Variants in KCNN2 observed in about 807,000 individuals in gnomAD.
KCNN2 encodes small conductance calcium-activated potassium channel protein 2.
KCNN2 carries 24 observed loss-of-function variants against 55.5 expected under a neutral mutation model. That is an observed-to-expected ratio of 0.43 (90% CI 0.31 to 0.61). The LOEUF is 0.61. KCNN2 is among the 20% of genes least tolerant of loss of function. KCNN2 has a pLI of 0.08. For synonymous variants in KCNN2, 431 were observed against 336.1 expected (o/e 1.28, Z -3.09); for missense variants, 754 against 853.6 (o/e 0.88, Z 1.45).
chr5:114,496,118 G>A lies in KCNN2; in HGVS notation c.2312G>A (p.Arg771Gln), dbSNP rs774628560. 48 of 1,613,866 alleles carry A rather than the reference G, an allele frequency of 3.0e-5. No individual in the cohort carries two copies. Among genetic ancestry groups the A allele is most frequent in the African/African-American group, 1.1e-4 (8 of 74,878 alleles). ...GTCACTTACAATGCTGAGCGGTCCC[G>A]GTCCTCGTCCAGGAGGCGGCGGTCC... ...KHVTYNAERS[R>Q]SSSRRRRSSS... Residue 771 changes from arginine (R) to glutamine (Q), a missense_variant, in exon 8 of 8, where the codon CGG becomes CAG. Arg to Gln is a conservative substitution (Grantham distance 43). Transcript: ENST00000673685.
At chr5:114,232,642 TA>T (rs1379026424) in intron 2 of KCNN2, among the ~76,000 whole-genome samples, 1 of 150,700 alleles carries the variant, frequency 6.6e-6, no homozygotes, top group Admixed American at 6.6e-5. Flanking sequence ...TCTCTTTTTT[TA>T]AACTTTTAAA....
chr5:114,433,082 C>T (rs186417093), intron 3 of KCNN2, among the ~76,000 whole-genome samples: 1 of 152,348 alleles, frequency 6.6e-6, no homozygotes, highest in East Asian at 1.9e-4. Context: ...CAGCACGGGA[C>T]TGGCAGGCAG....
At chr5:114,333,145 G>C (rs1561574671) in intron 2 of KCNN2, among the ~76,000 whole-genome samples, 4 of 152,176 alleles carry the variant, frequency 2.6e-5, no homozygotes. Flanking sequence ...TGAAAGAAGT[G>C]AAATAATTGT....
intron 1 of KCNN2, among the ~76,000 whole-genome samples, chr5:114,185,539 G>C (rs1008744844): frequency 6.6e-6 from 1 of 152,182 alleles, no homozygotes; most frequent in African/African-American, 2.4e-5. Context: ...CGCTCTAGCA[G>C]GGAACTCTGG....
intron 2 of KCNN2, among the ~76,000 whole-genome samples, chr5:114,379,809 CATATT>C (rs1179884667): frequency 1.4e-5 from 2 of 138,974 alleles, no homozygotes; most frequent in Admixed American, 7.3e-5. Context: ...TATTATATAA[CATATT>C]ATATATTTAT....
chr5:114,113,619 C>T (rs1270188446), intron 1 of KCNN2, among the ~76,000 whole-genome samples: 1 of 152,036 alleles, frequency 6.6e-6, no homozygotes, highest in East Asian at 1.9e-4. Flanking sequence ...AATTTATGTA[C>T]CATTTTTAAC....
chr5:114,192,336 G>A (rs1753467031), intron 1 of KCNN2, among the ~76,000 whole-genome samples: 1 of 152,142 alleles, frequency 6.6e-6, no homozygotes, highest in Non-Finnish European at 1.5e-5. Flanking sequence ...AAATCACAGT[G>A]ACTTAGAGTT....
chr5:114,467,690 G>A (rs949533101), intron 4 of KCNN2, among the ~76,000 whole-genome samples: 2 of 151,926 alleles, frequency 1.3e-5, no homozygotes, highest in Non-Finnish European at 2.9e-5. Context: ...TTTCATAAGT[G>A]GATCGCAAAA....
intron 2 of KCNN2, among the ~76,000 whole-genome samples, chr5:114,383,005 A>G (rs1223033288): frequency 2.0e-5 from 3 of 152,204 alleles, no homozygotes; most frequent in East Asian, 3.9e-4. Flanking sequence ...ATCTTAGTTA[A>G]TATGTGTCAA....
intron 2 of KCNN2, among the ~76,000 whole-genome samples, chr5:114,344,950 A>T (rs1314307819): frequency 6.6e-6 from 1 of 152,174 alleles, no homozygotes; most frequent in Non-Finnish European, 1.5e-5. Flanking sequence ...TTATATTTTG[A>T]CCTAGAAATA....
rs560890843 is a variant in KCNN2 at position 114,068,987 on chromosome 5, G to A, written c.-271+12487G>A. Among the ~76,000 whole-genome samples the A allele has an allele frequency of 3.9e-5, 6 of 152,220 alleles. No homozygotes were observed. The East Asian group carries it at 1.2e-3, about 29-fold the overall frequency. On this transcript the variant is annotated intron_variant, in intron 1 of 10. Coordinates refer to the KCNN2 transcript ENST00000512097. ...TGCCAACCACGCCTGGCTAATTTTT[G>A]TATTTTTAGTAGAGACGGGGTTTCA...
intron 1 of KCNN2, among the ~76,000 whole-genome samples, chr5:114,058,049 T>G (rs1010433666): frequency 6.6e-6 from 1 of 152,222 alleles, no homozygotes; most frequent in Non-Finnish European, 1.5e-5. Flanking sequence ...AACTTGCTTT[T>G]AGGTTTATAC....
intron 1 of KCNN2, among the ~76,000 whole-genome samples, chr5:114,158,610 T>G (rs923059076): frequency 1.3e-5 from 2 of 151,704 alleles, no homozygotes; most frequent in African/African-American, 2.4e-5. Context: ...GCCATTTTCA[T>G]GATATTGATT....
At chr5:114,067,882 G>A (rs914353540) in intron 1 of KCNN2, among the ~76,000 whole-genome samples, 4 of 152,142 alleles carry the variant, frequency 2.6e-5, no homozygotes, top group African/African-American at 7.2e-5. Flanking sequence ...CATATATAGA[G>A]TTTTACCCCC....
At chr5:114,353,284 T>G (rs1757245365) in intron 2 of KCNN2, among the ~76,000 whole-genome samples, 3 of 151,850 alleles carry the variant, frequency 2.0e-5, no homozygotes, top group Non-Finnish European at 3.0e-5. Flanking sequence ...ACTAACCTAT[T>G]TATTTACCTT....
At chr5:114,410,127 A>G (rs1759085143) in intron 3 of KCNN2, among the ~76,000 whole-genome samples, 1 of 152,212 alleles carries the variant, frequency 6.6e-6, no homozygotes, top group East Asian at 1.9e-4. Context: ...TCCCAGGCCA[A>G]GGCATTTAAT....
At chr5:114,256,877 T>G (rs1417649558) in intron 2 of KCNN2, among the ~76,000 whole-genome samples, 1 of 152,134 alleles carries the variant, frequency 6.6e-6, no homozygotes, top group Non-Finnish European at 1.5e-5. Flanking sequence ...TTAAGTCCCA[T>G]TTGTCTATTT....
At chr5:114,448,724 A>G (rs1257391024) in intron 3 of KCNN2, among the ~76,000 whole-genome samples, 2 of 152,222 alleles carry the variant, frequency 1.3e-5, no homozygotes, top group South Asian at 2.1e-4. Context: ...CTGCTTCCCT[A>G]GAAACATAGC....
chr5:114,396,110 C>T (rs1023239198), intron 2 of KCNN2, among the ~76,000 whole-genome samples: 2 of 152,178 alleles, frequency 1.3e-5, no homozygotes, highest in Non-Finnish European at 2.9e-5. Flanking sequence ...GCACCACCAT[C>T]CGCTGTGTTT....
Sources: gnomAD v4.1 joint callset for allele counts (sites outside exome capture counted in the v4.1 genomes callset) on GRCh38, gnomAD v4.1.1 for gene constraint, MANE v1.5 for transcripts, NCBI Gene and HGNC (gene_info 2026-07-23, HGNC 2026-07-21) for gene names.